The following MYO7B variants were observed in gnomAD, a reference collection of about 807,000 sequenced individuals.
MYO7B encodes the protein unconventional myosin-VIIb.
In MYO7B, 212 loss-of-function variants were observed where a neutral mutation model predicts 259.7. The ratio of observed to expected loss-of-function variants is 0.82; its 90% CI spans 0.73 to 0.91. The LOEUF is 0.91. Among genes scored for constraint, MYO7B ranks in the 40% least tolerant of loss-of-function variants. The pLI is 0.00. For synonymous variants in MYO7B, 1,197 were observed against 1,166.4 expected (o/e 1.03, Z -0.54); for missense variants, 2,732 against 2,813.5 (o/e 0.97, Z 0.66).
In MYO7B at chr2:127,636,145, C is replaced by A; in HGVS notation, c.6007-63C>A. On this transcript the variant is annotated intron_variant, in intron 44 of 47. Coordinates refer to ENST00000409816, the MANE Select transcript of MYO7B (RefSeq NM_001393586.1). The surrounding 1 kb of genome is among the most constrained non-coding windows in gnomAD (Gnocchi z 4.5). ...TAGCCCTGGGGTAGGCAGGTGCTGC[C>A]CCCACCAGGGCTTTGGAGGGCCTCT... is the stretch of plus-strand genomic sequence containing the variant. 7.2e-7 allele frequency: 1 copy of A among 1,382,548 alleles called. No homozygotes were observed. Among genetic ancestry groups the A allele is most frequent in the Non-Finnish European group, 1.0e-6 (1 of 982,450 alleles). The allele number at this position is 1,382,548 out of a possible 1,614,324, so 85.6% of individuals were successfully genotyped here.
rs1363357651 is a variant in MYO7B, at chr2:127,615,461, C to T, written c.3398+2858C>T. The stretch of plus-strand genomic sequence containing the variant: ...CCTACTCCTAGTGAGCAAAGACAGC[C>T]CCCGCCCTGAGCTTCTTCAGCCCTT... On this transcript the variant is annotated intron_variant, in intron 26 of 47. Transcript: ENST00000409816. This position sits in a 1 kb window ranked among gnomAD's most constrained non-coding sequence, Gnocchi z 4.4. 2.6e-5 allele frequency among the ~76,000 whole-genome samples: 4 copies of T among 152,036 alleles called. No homozygotes were observed. The highest frequency in any genetic ancestry group is 9.7e-5 in the African/African-American group (4 of 41,380).
chr2:127,603,290 G>T (rs528167744), intron 19 of MYO7B, among the ~76,000 whole-genome samples: 1 of 152,236 alleles, frequency 6.6e-6, no homozygotes, highest in East Asian at 1.9e-4. Context: ...AATGGACTTT[G>T]CCCAGATCTA....
At chr2:127,592,261 G>C (rs2104974651) in intron 16 of MYO7B, among the ~76,000 whole-genome samples, 1 of 152,306 alleles carries the variant, frequency 6.6e-6, no homozygotes, top group Admixed American at 6.5e-5. Context: ...CGGGCGTGGT[G>C]CTACACGCCT....
chr2:127,598,428 T>C (rs1452841913), intron 19 of MYO7B, among the ~76,000 whole-genome samples: 1 of 152,210 alleles, frequency 6.6e-6, no homozygotes, highest in Non-Finnish European at 1.5e-5. Flanking sequence ...TGCTTGCCTG[T>C]TTTCTAATTG....
At position 127,636,891 on chromosome 2, in the gene MYO7B, G is replaced by A. The variant is rs1553459817; in HGVS notation, c.6305G>A (p.Arg2102His). Reference protein sequence around the residue: ...MALGSLGRGSRLLCETSLGYK... With the variant: ...MALGSLGRGSHLLCETSLGYK... The stretch of plus-strand genomic sequence containing the variant: ...CTGGGGAGCCTGGGCCGTGGCAGCC[G>A]CCTGCTGTGCGAGACCTCCCTGGTG... Residue 2102 changes from arginine (R) to histidine (H), a missense_variant, in exon 47 of 48, where the codon CGC becomes CAC. Physicochemically the swap from Arg to His is conservative, Grantham distance 29. Coordinates refer to ENST00000409816, the MANE Select transcript of MYO7B (RefSeq NM_001393586.1). This position sits in a 1 kb window ranked among gnomAD's most constrained non-coding sequence, Gnocchi z 4.5. 28 of 1,612,774 alleles carry A rather than the reference G, an allele frequency of 1.7e-5. No individual in the cohort carries two copies. Among genetic ancestry groups the A allele is most frequent in the Middle Eastern group, 1.7e-4 (1 of 6,060 alleles).
At position 127,582,077 on chromosome 2, in the gene MYO7B, C is replaced by T. The variant is rs548091287; in HGVS notation, c.1200+67C>T. The T allele has an allele frequency of 2.2e-5, 35 of 1,604,958 alleles. No individual in the cohort carries two copies. In the South Asian group the frequency reaches 2.3e-4, roughly 11 times the overall value. On this transcript the variant is annotated intron_variant, in intron 11 of 47. Coordinates refer to ENST00000409816, the MANE Select transcript of MYO7B (RefSeq NM_001393586.1). ...ACCACGGCTCTGCTTCTTGCTGTGCCGGTGGAGGGCAGGATGGAGCAGAGG... is the reference window on the plus strand; with the variant it reads ...ACCACGGCTCTGCTTCTTGCTGTGCTGGTGGAGGGCAGGATGGAGCAGAGG...
chr2:127,624,753 C>T (rs542413586), intron 30 of MYO7B, among the ~76,000 whole-genome samples: 19 of 152,334 alleles, frequency 1.2e-4, no homozygotes, highest in East Asian at 3.9e-4. Context: ...TCACCTGGAC[C>T]GTGCGGAGTG....
intron 5 of MYO7B, among the ~76,000 whole-genome samples, chr2:127,568,783 G>T (rs1164320714): frequency 1.3e-5 from 2 of 151,958 alleles, no homozygotes; most frequent in Admixed American, 6.6e-5. Flanking sequence ...TGTAATCTCA[G>T]CTACTCAGGA....
In MYO7B at chr2:127,610,219, C is replaced by T. The variant is rs569481889; in HGVS notation, c.3192+203C>T. The stretch of plus-strand genomic sequence containing the variant: ...TTCAGGAGCTCATGAATCCCCATCC[C>T]GGGCTTTTTGAATTATACAGTCATT... On this transcript the variant is annotated intron_variant, in intron 24 of 47. Coordinates refer to ENST00000409816, the MANE Select transcript of MYO7B (RefSeq NM_001393586.1). Among the ~76,000 whole-genome samples, 7 of 152,240 alleles carry T rather than the reference C, an allele frequency of 4.6e-5. No individual in the cohort carries two copies. The South Asian group carries it at 8.3e-4, about 18-fold the overall frequency.
At chr2:127,574,134 C>T in intron 7 of MYO7B, 72 bp downstream of exon 7, 1 of 1,573,142 alleles carries the variant, frequency 6.4e-7, no homozygotes, top group East Asian at 2.2e-5. Flanking sequence ...CCCTTTCCCA[C>T]TCTCACCTCT....
chr2:127,584,001 T>A lies in MYO7B; in HGVS notation c.1344-121T>A. ...CATCTCTGTGTACACGAGGTGTGCA[T>A]CTGTGGGCATATCTGTATGCAGCTG... On this transcript the variant is annotated intron_variant, in intron 12 of 47. Coordinates refer to ENST00000409816, the MANE Select transcript of MYO7B (RefSeq NM_001393586.1). The surrounding 1 kb of genome is among the most constrained non-coding windows in gnomAD (Gnocchi z 5.8). 2.4e-6 allele frequency: 2 copies of A among 824,828 alleles called. No homozygotes were observed. Among genetic ancestry groups the A allele is most frequent in the Admixed American group, 2.1e-5 (1 of 47,276 alleles). The allele number at this position is 824,828 out of a possible 1,614,324, so 51.1% of individuals were successfully genotyped here. A position where few individuals can be genotyped will look rare whatever the true frequency, so the allele number is the denominator to read the frequency against.
chr2:127,634,805 TGGGA>T, intron 42 of MYO7B, 122 bp downstream of exon 42: 1 of 1,014,572 alleles, frequency 9.9e-7, no homozygotes, highest in Non-Finnish European at 1.5e-6. Context: ...CCCTGGGTTG[TGGGA>T]ACAACCAGGC....
chr2:127,632,461 T>G, intron 39 of MYO7B, 60 bp downstream of exon 39: 3 of 1,483,746 alleles, frequency 2.0e-6, no homozygotes, highest in East Asian at 4.9e-5. Flanking sequence ...TGGGATGCTG[T>G]GGGGCCTGGC....
At position 127,576,190 on chromosome 2, in the gene MYO7B, C is replaced by T. The variant is rs934271461; in HGVS notation, c.736-405C>T. ...CTCTAGCTTGGGTGACAGAGCAAGA[C>T]CTTCTCTCGGAAAAAAAAAAAATAC... On this transcript the variant is annotated intron_variant, in intron 7 of 47. Transcript: ENST00000409816. This position sits in a 1 kb window ranked among gnomAD's most constrained non-coding sequence, Gnocchi z 4.9. Among the ~76,000 whole-genome samples, 1 of 151,628 alleles carries T rather than the reference C, an allele frequency of 6.6e-6. No individual in the cohort carries two copies. The highest frequency in any genetic ancestry group is 2.4e-5 in the African/African-American group (1 of 41,270).
intron 18 of MYO7B, among the ~76,000 whole-genome samples, 182 bp from the exon 19 acceptor site, chr2:127,596,280 G>A (rs1679766499): frequency 6.6e-6 from 1 of 152,176 alleles, no homozygotes; most frequent in Non-Finnish European, 1.5e-5. Flanking sequence ...ATTGGGGTGG[G>A]AGGTATAGTT....
chr2:127,560,571 C>T (rs1486973143), intron 2 of MYO7B, among the ~76,000 whole-genome samples: 1 of 152,176 alleles, frequency 6.6e-6, no homozygotes, highest in African/African-American at 2.4e-5. Context: ...GGGGAACTGC[C>T]CTGCCCTGGG....
chr2:127,565,958 C>T (rs775774759), intron 4 of MYO7B, among the ~76,000 whole-genome samples: 21 of 152,250 alleles, frequency 1.4e-4, no homozygotes, highest in Admixed American at 2.0e-4. Context: ...CCACTGCCTG[C>T]CTGGGCCTCT....
chr2:127,633,193 G>A lies in MYO7B; in HGVS notation c.5406-65G>A, dbSNP rs192962355. ...TGGCACATGGTTTAGGGCCCACATC[G>A]GGGCTGGGGCATGGGTGAGGATGAG... On this transcript the variant is annotated intron_variant, in intron 39 of 47. Transcript: ENST00000409816. The A allele has an allele frequency of 2.1e-4, 268 of 1,279,170 alleles. No individual in the cohort carries two copies. In the African/African-American group the frequency reaches 2.8e-3, roughly 13 times the overall value. 79.2% of individuals were successfully genotyped at this position (1,279,170 alleles called of 1,614,324 possible). A position where few individuals can be genotyped will look rare whatever the true frequency, so the allele number is the denominator to read the frequency against.
At chr2:127,625,807 G>C (rs1013815733) in intron 31 of MYO7B, among the ~76,000 whole-genome samples, 2 of 152,180 alleles carry the variant, frequency 1.3e-5, no homozygotes, top group African/African-American at 4.8e-5. Context: ...GTGGTGTCTG[G>C]CCAGGCCCTC....
Sources: allele counts gnomAD v4.1 joint callset (sites outside exome capture counted in the v4.1 genomes callset), GRCh38; gene constraint gnomAD v4.1.1; non-coding constraint Gnocchi (gnomAD v3.1); transcripts MANE v1.5; gene names NCBI Gene and HGNC (gene_info 2026-07-23, HGNC 2026-07-21).